The following FHIP1A variants were observed in gnomAD, a reference collection of about 807,000 sequenced individuals.
FHIP1A encodes FHF complex subunit HOOK interacting protein 1A.
FHIP1A carries 61 observed loss-of-function variants against 88.6 expected under a neutral mutation model. The ratio of observed to expected loss-of-function variants is 0.69; its 90% CI spans 0.56 to 0.85. The LOEUF is 0.85. FHIP1A is among the 40% of genes least tolerant of loss of function. FHIP1A has a pLI of 0.00. For synonymous variants in FHIP1A, 478 were observed against 496.0 expected (o/e 0.96, Z 0.48); for missense variants, 1,154 against 1,273.5 (o/e 0.91, Z 1.43).
chr4:151,623,019 A>C (rs1735806255), intron 7 of FHIP1A, among the ~76,000 whole-genome samples: 1 of 152,190 alleles, frequency 6.6e-6, no homozygotes, highest in South Asian at 2.1e-4. Flanking sequence ...CATTTGCTGA[A>C]TCCTCCAAGG....
Position 151,649,775 on chromosome 4 carries a change from A to G in FHIP1A, c.1734A>G (p.Glu578=), listed in dbSNP as rs1736941185. Reference sequence around the variant, plus strand: ...AGGACAAGAGCCAGACAGAGCTGGAATGGGATGACAGCTATGACACTGGAA... The same window carrying G: ...AGGACAAGAGCCAGACAGAGCTGGAGTGGGATGACAGCTATGACACTGGAA... ...PRKDKSQTEL[E]WDDSYDTGIS... The change falls in exon 11 of 14, where the codon GAA becomes GAG. Residue 578 remains glutamate, a synonymous_variant. Transcript: ENST00000435205. 6 of 1,551,682 alleles carry G rather than the reference A, an allele frequency of 3.9e-6. No homozygotes were observed. In the East Asian group the frequency reaches 9.8e-5, roughly 25 times the overall value.
chr4:151,618,353 T>A (rs1278972028), intron 7 of FHIP1A, among the ~76,000 whole-genome samples: 1 of 152,124 alleles, frequency 6.6e-6, no homozygotes, highest in Non-Finnish European at 1.5e-5. Context: ...GATCATCTAG[T>A]TCATCATCAT....
At chr4:151,543,068 G>T (rs1295335971) in intron 3 of FHIP1A, among the ~76,000 whole-genome samples, 1 of 152,144 alleles carries the variant, frequency 6.6e-6, no homozygotes, top group Admixed American at 6.5e-5. Context: ...GATAGACACT[G>T]TTCTGAAACT....
At chr4:151,498,350 G>A (rs1380787386) in intron 3 of FHIP1A, among the ~76,000 whole-genome samples, 1 of 152,178 alleles carries the variant, frequency 6.6e-6, no homozygotes, top group Admixed American at 6.5e-5. Flanking sequence ...CAGTGTTAGG[G>A]AAGGGGAACT....
intron 5 of FHIP1A, among the ~76,000 whole-genome samples, chr4:151,579,469 T>A (rs1470458628): frequency 6.6e-6 from 1 of 152,162 alleles, no homozygotes; most frequent in Non-Finnish European, 1.5e-5. Flanking sequence ...GTGGTTTGGG[T>A]TTTAGCTTAT....
At chr4:151,661,990 G>A (rs920459648) in intron 13 of FHIP1A, among the ~76,000 whole-genome samples, 1 of 152,216 alleles carries the variant, frequency 6.6e-6, no homozygotes, top group East Asian at 1.9e-4. Flanking sequence ...CGGGGAGCCC[G>A]AGAGGCTGGA....
At chr4:151,471,887 G>A (rs568522009) in intron 2 of FHIP1A, among the ~76,000 whole-genome samples, 1 of 152,106 alleles carries the variant, frequency 6.6e-6, no homozygotes, top group East Asian at 1.9e-4. Flanking sequence ...TCCATTCCTG[G>A]GTTACTTAAC....
intron 2 of FHIP1A, among the ~76,000 whole-genome samples, chr4:151,481,037 A>G (rs907890925): frequency 2.6e-5 from 4 of 152,070 alleles, no homozygotes; most frequent in Non-Finnish European, 2.9e-5. Flanking sequence ...AATCATGGCT[A>G]TATAGAGATT....
At chr4:151,465,676 C>T (rs909247688) in intron 2 of FHIP1A, among the ~76,000 whole-genome samples, 4 of 152,200 alleles carry the variant, frequency 2.6e-5, no homozygotes, top group South Asian at 2.1e-4. Flanking sequence ...TTGTCCACCA[C>T]GATCAAGTAG....
chr4:151,562,476 A>C (rs1417695721), intron 3 of FHIP1A, among the ~76,000 whole-genome samples: 1 of 152,008 alleles, frequency 6.6e-6, no homozygotes, highest in Non-Finnish European at 1.5e-5. Context: ...CAAATTATCC[A>C]TGTTCATTGG....
intron 1 of FHIP1A, among the ~76,000 whole-genome samples, chr4:151,411,347 A>AT (rs33972159): frequency 0.1 from 13,492 of 132,180 alleles, 916 homozygotes; most frequent in East Asian, 0.15. Flanking sequence ...AATTATATAT[A>AT]TATTTTTTTT....
chr4:151,652,808 A>G (rs1378936943), intron 11 of FHIP1A, among the ~76,000 whole-genome samples: 1 of 152,152 alleles, frequency 6.6e-6, no homozygotes, highest in Non-Finnish European at 1.5e-5. Context: ...GTGGGGTATG[A>G]CCGCATTGGG....
intron 3 of FHIP1A, among the ~76,000 whole-genome samples, chr4:151,492,420 C>T (rs1404770035): frequency 6.6e-6 from 1 of 151,754 alleles, no homozygotes; most frequent in African/African-American, 2.4e-5. Flanking sequence ...GGTGAAACCC[C>T]GTCTCTACTA....
intron 9 of FHIP1A, among the ~76,000 whole-genome samples, chr4:151,643,030 T>A (rs1736650990): frequency 6.6e-6 from 1 of 151,858 alleles, no homozygotes; most frequent in South Asian, 2.1e-4. Flanking sequence ...TGATTATTTT[T>A]ATAGTTTCAT....
chr4:151,587,958 A>G (rs1349028137), intron 6 of FHIP1A, among the ~76,000 whole-genome samples: 1 of 152,126 alleles, frequency 6.6e-6, no homozygotes, highest in Admixed American at 6.5e-5. Flanking sequence ...AGAGATTATC[A>G]GTAATTTGAA....
At chr4:151,553,508 G>GT (rs898987408) in intron 3 of FHIP1A, among the ~76,000 whole-genome samples, 2 of 151,910 alleles carry the variant, frequency 1.3e-5, no homozygotes, top group African/African-American at 2.4e-5. Context: ...AATATTTAGT[G>GT]TTTTTTTCTT....
At chr4:151,553,331 A>G (rs1732818473) in intron 3 of FHIP1A, among the ~76,000 whole-genome samples, 1 of 152,226 alleles carries the variant, frequency 6.6e-6, no homozygotes, top group South Asian at 2.1e-4. Context: ...GGGAATATAT[A>G]CAACTAAATT....
At position 151,443,491 on chromosome 4, in the gene FHIP1A, C is replaced by T. The variant is rs555672491; in HGVS notation, c.-355-11210C>T. ...TCTTTTGTTTCCCAAATTAACACTT[C>T]GCTTTCAGGGTCAGTTTTCCCCTCA... is the stretch of plus-strand genomic sequence containing the variant. On this transcript the variant is annotated intron_variant, in intron 1 of 13. Transcript: ENST00000435205. Among the ~76,000 whole-genome samples the T allele has an allele frequency of 7.9e-5, 12 of 152,176 alleles. No homozygotes were observed. The East Asian group carries it at 1.9e-3, about 25-fold the overall frequency.
At chr4:151,505,429 C>T (rs565178391) in intron 3 of FHIP1A, among the ~76,000 whole-genome samples, 64 of 152,284 alleles carry the variant, frequency 4.2e-4, no homozygotes, top group Non-Finnish European at 7.9e-4. Flanking sequence ...ATTCAGGACA[C>T]CCATAATCAT....
Sources: allele counts gnomAD v4.1 joint callset (sites outside exome capture counted in the v4.1 genomes callset), GRCh38; gene constraint gnomAD v4.1.1; transcripts MANE v1.5; gene names NCBI Gene and HGNC (gene_info 2026-07-23, HGNC 2026-07-21).